CAPN5: variants seen among roughly 807,000 people sequenced by gnomAD.
The protein encoded by CAPN5 is calpain-5.
CAPN5 carries 54 observed loss-of-function variants against 73.0 expected under a neutral mutation model. The observed-to-expected ratio is 0.74, with a 90% CI of 0.59 to 0.93. The LOEUF (loss-of-function observed/expected upper bound fraction) is 0.93. Ranked by LOEUF, CAPN5 falls within the 40% of genes least tolerant of loss-of-function variation. The probability of loss-of-function intolerance (pLI) is 0.00; values close to 1 mark genes in which losing one functional copy is unlikely to be tolerated. For missense variants in CAPN5, 785 were observed against 882.9 expected (o/e 0.89, Z 1.41); for synonymous variants, 335 against 356.9 (o/e 0.94, Z 0.69).
At position 77,125,052 on chromosome 11, in the gene CAPN5, T is replaced by C. The variant is rs1950559622; in HGVS notation, c.*1182T>C. On this transcript the variant is annotated 3_prime_UTR_variant, in exon 13 of 13. Coordinates refer to ENST00000648180, the MANE Select transcript of CAPN5 (RefSeq NM_004055.5). Reference sequence around the variant, plus strand: ...GAAAATTGAAAGCCTGAACCTCCATTTTTCTTCTTGGCTCCAGTTTTGCTG... The same window carrying C: ...GAAAATTGAAAGCCTGAACCTCCATCTTTCTTCTTGGCTCCAGTTTTGCTG... The C allele has an allele frequency of 6.6e-6, 1 of 152,294 alleles. No homozygotes were observed. The highest frequency in any genetic ancestry group is 1.5e-5 in the Non-Finnish European group (1 of 68,034). The allele number at this position is 152,294 out of a possible 1,614,324, so 9.4% of individuals were successfully genotyped here. A position where few individuals can be genotyped will look rare whatever the true frequency, so the allele number is the denominator to read the frequency against.
chr11:77,099,757 G>GGGAGAC (rs1296312107), intron 3 of CAPN5, among the ~76,000 whole-genome samples: 1 of 150,218 alleles, frequency 6.7e-6, no homozygotes, highest in Non-Finnish European at 1.5e-5. Context: ...GAGACGGAGA[G>GGGAGAC]GGAGACGGAG....
rs868943058 is a variant in CAPN5 at position 77,088,186 on chromosome 11, G to A, written c.165+3135G>A. The A allele has an allele frequency of 1.3e-5, 14 of 1,049,090 alleles. No individual in the cohort carries two copies. In the Middle Eastern group the frequency reaches 9.6e-4, roughly 72 times the overall value. 65.0% of individuals were successfully genotyped at this position (1,049,090 alleles called of 1,614,324 possible). A position where few individuals can be genotyped will look rare whatever the true frequency, so the allele number is the denominator to read the frequency against. ...GCACAGGGGACAAGGTGGGGTGGGG[G>A]AGGGGGACTAATGAACAGACACTGG... On this transcript the variant is annotated intron_variant, in intron 2 of 12. Coordinates refer to ENST00000648180, the MANE Select transcript of CAPN5 (RefSeq NM_004055.5).
At chr11:77,067,373 C>G (rs925249526) in intron 1 of CAPN5, among the ~76,000 whole-genome samples, 13 of 151,542 alleles carry the variant, frequency 8.6e-5, no homozygotes, top group Non-Finnish European at 1.9e-4. Flanking sequence ...AGTCGTTTTC[C>G]TAGTGCGGAC....
chr11:77,073,744 G>A (rs1949936364), intron 1 of CAPN5, among the ~76,000 whole-genome samples: 2 of 152,210 alleles, frequency 1.3e-5, no homozygotes, highest in Admixed American at 6.5e-5. Context: ...ACACAGAAAC[G>A]ATAAGGGAAG....
rs1555042046 is a variant in CAPN5 at position 77,118,146 on chromosome 11, C to T, written c.972-11C>T. 6.2e-7 allele frequency: 1 copy of T among 1,606,536 alleles called. No homozygotes were observed. The highest frequency in any genetic ancestry group is 8.5e-7 in the Non-Finnish European group (1 of 1,175,372). On this transcript the variant is annotated splice_polypyrimidine_tract_variant and intron_variant, in intron 7 of 12. Transcript: ENST00000648180. ...GGGGAGGTACCCTGCTCAGCCCCTC[C>T]CCACATCCAGGATGACCTTCGAGGA...
intron 4 of CAPN5, 34 bp downstream of exon 4, chr11:77,112,831 C>T (rs373397885): frequency 2.5e-6 from 4 of 1,600,266 alleles, no homozygotes; most frequent in Non-Finnish European, 3.4e-6. Context: ...GGGTGGGAGG[C>T]CCAGACGGGG....
intron 9 of CAPN5, chr11:77,120,500 T>A (rs1950510776): frequency 2.1e-6 from 1 of 465,564 alleles, no homozygotes; most frequent in Non-Finnish European, 3.8e-6. Flanking sequence ...AGAAACCCAC[T>A]CCCTTTAACC....
chr11:77,078,446 A>G (rs1356422828), intron 1 of CAPN5, among the ~76,000 whole-genome samples: 4 of 152,116 alleles, frequency 2.6e-5, no homozygotes, highest in African/African-American at 9.7e-5. Context: ...TGCCAGTACC[A>G]TGTGGTTTTG....
At chr11:77,098,369 C>T (rs1462829535) in intron 3 of CAPN5, among the ~76,000 whole-genome samples, 3 of 113,434 alleles carry the variant, frequency 2.6e-5, no homozygotes, top group Admixed American at 8.2e-5. Flanking sequence ...GCTGGCCGGG[C>T]GGGGGGCTGA....
intron 2 of CAPN5, among the ~76,000 whole-genome samples, chr11:77,091,361 A>T (rs1341961912): frequency 6.6e-6 from 1 of 152,174 alleles, no homozygotes; most frequent in Non-Finnish European, 1.5e-5. Context: ...AGGACCGCAG[A>T]AGCTCTTGGG....
At chr11:77,102,878 G>A (rs1950301089) in intron 3 of CAPN5, 19 of 1,610,044 alleles carry the variant, frequency 1.2e-5, no homozygotes, top group Non-Finnish European at 1.5e-5. Context: ...AGCTGGACAT[G>A]CCGCTGGTCC....
intron 12 of CAPN5, 113 bp from the exon 13 acceptor site, chr11:77,123,575 T>C (rs1950544119): frequency 1.1e-6 from 1 of 891,244 alleles, no homozygotes; most frequent in Non-Finnish European, 1.8e-6. Context: ...CCCCCGATCC[T>C]CAGCCAGGCT....
intron 1 of CAPN5, among the ~76,000 whole-genome samples, chr11:77,078,853 A>G (rs531525385): frequency 2.0e-5 from 3 of 151,750 alleles, no homozygotes; most frequent in Non-Finnish European, 2.9e-5. Context: ...TGTAAATGGG[A>G]TTGTTTTCTT....
chr11:77,125,821 G>T lies in CAPN5; in HGVS notation c.*1951G>T, dbSNP rs1287686083. 6.6e-6 allele frequency: 1 copy of T among 152,428 alleles called. No homozygotes were observed. Among genetic ancestry groups the T allele is most frequent in the East Asian group, 1.9e-4 (1 of 5,170 alleles). 9.4% of individuals were successfully genotyped at this position (152,428 alleles called of 1,614,324 possible). On this transcript the variant is annotated 3_prime_UTR_variant, in exon 13 of 13. Coordinates refer to ENST00000648180, the MANE Select transcript of CAPN5 (RefSeq NM_004055.5). Reference sequence around the variant, plus strand: ...TGTGGGCTTCAGCCTCGGGGCCGGGGCATGCCTGCCACCCCCTGACAAAAA... The same window carrying T: ...TGTGGGCTTCAGCCTCGGGGCCGGGTCATGCCTGCCACCCCCTGACAAAAA...
rs201007101 is a variant in CAPN5 at position 77,115,461 on chromosome 11, G to A, written c.766G>A (p.Val256Ile). 153 of 1,612,932 alleles carry A rather than the reference G, an allele frequency of 9.5e-5. 1 individual carries two copies. The highest frequency in any genetic ancestry group is 3.8e-4 in the Admixed American group (23 of 59,998). Residue 256 changes from valine (V) to isoleucine (I), a missense_variant, in exon 6 of 13, where the codon GTC becomes ATC. By Grantham distance (29) the Val-to-Ile change is conservative. Transcript: ENST00000648180. ...CGLVKGHAYA[V>I]TDVRKVRLGH... is the part of the protein sequence containing the mutation. ...CCTGGTAAAGGGCCACGCATACGCCGTCACTGATGTGCGCAAGGTGCGCCT... is the reference window on the plus strand; with the variant it reads ...CCTGGTAAAGGGCCACGCATACGCCATCACTGATGTGCGCAAGGTGCGCCT...
At chr11:77,113,143 G>T (rs1259488978) in intron 4 of CAPN5, among the ~76,000 whole-genome samples, 1 of 152,236 alleles carries the variant, frequency 6.6e-6, no homozygotes, top group Admixed American at 6.5e-5. Context: ...CTGGGGCCTT[G>T]GTTGGGGAAG....
intron 3 of CAPN5, among the ~76,000 whole-genome samples, chr11:77,100,920 C>T (rs2135452666): frequency 6.6e-6 from 1 of 152,340 alleles, no homozygotes; most frequent in East Asian, 1.9e-4. Flanking sequence ...ATGCCACAGC[C>T]CGGGCCCGGA....
At chr11:77,123,632 A>G (rs1950544697) in intron 12 of CAPN5, 56 bp from the exon 13 acceptor site, 5 of 1,435,832 alleles carry the variant, frequency 3.5e-6, no homozygotes, top group African/African-American at 1.4e-5. Context: ...CCATAGACCT[A>G]TATTGCTGGT....
intron 3 of CAPN5, among the ~76,000 whole-genome samples, chr11:77,102,117 G>A (rs1555038976): frequency 1.3e-5 from 2 of 152,180 alleles, no homozygotes; most frequent in African/African-American, 4.8e-5. Context: ...TTCTGGGAGG[G>A]GGTCCAGCAA....
Sources: allele counts gnomAD v4.1 joint callset (sites outside exome capture counted in the v4.1 genomes callset), GRCh38; gene constraint gnomAD v4.1.1; transcripts MANE v1.5; gene names NCBI Gene and HGNC (gene_info 2026-07-23, HGNC 2026-07-21).